The following LYRM4 variants were observed in gnomAD, a reference collection of about 807,000 sequenced individuals.
LYRM4 encodes the protein LYR motif-containing protein 4.
Under a neutral mutation model 11.7 loss-of-function variants are expected in LYRM4, and 9 were observed. That is an observed-to-expected ratio of 0.77 (90% CI 0.46 to 1.34). The LOEUF is 1.34. Among genes scored for constraint, LYRM4 ranks in the 40% most tolerant of loss-of-function variants. The pLI is 0.00. For missense variants in LYRM4, 133 were observed against 112.5 expected, an observed-to-expected ratio of 1.18 and a Z score of -0.82; for synonymous variants, 42 against 40.4, an observed-to-expected ratio of 1.04 and a Z score of -0.15.
intron 2 of LYRM4, among the ~76,000 whole-genome samples, chr6:5,145,281 T>C (rs901733691): frequency 3.3e-5 from 5 of 152,190 alleles, no homozygotes; most frequent in Non-Finnish European, 5.9e-5. Flanking sequence ...AAGTGCAGTT[T>C]CGGTGAGTGG....
the LYRM4 span, among the ~76,000 whole-genome samples, chr6:5,041,534 T>A: frequency 1.3e-5 from 2 of 152,256 alleles, no homozygotes; most frequent in Non-Finnish European, 2.9e-5. Flanking sequence ...CAGTTTTTAC[T>A]ATAGGAGTGT....
downstream of LYRM4, chr6:5,108,100 A>G (rs931832398): frequency 6.6e-6 from 1 of 152,244 alleles, no homozygotes; most frequent in Non-Finnish European, 1.5e-5. Context: ...CAGCAAATCT[A>G]TGCTCTCTAA....
chr6:5,242,202 A>AACT (rs1763922317), intron 1 of LYRM4, among the ~76,000 whole-genome samples: 1 of 151,566 alleles, frequency 6.6e-6, no homozygotes, highest in Non-Finnish European at 1.5e-5. Context: ...CCTCCTGAGT[A>AACT]ACTAGGACTA....
intron 2 of LYRM4, among the ~76,000 whole-genome samples, chr6:5,214,540 G>A (rs1762159612): frequency 6.6e-6 from 1 of 152,190 alleles, no homozygotes; most frequent in Non-Finnish European, 1.5e-5. Context: ...CTGTGGTGGT[G>A]GTGTGTGGAG....
At chr6:5,195,420 G>T (rs1012456774) in intron 2 of LYRM4, among the ~76,000 whole-genome samples, 1 of 151,616 alleles carries the variant, frequency 6.6e-6, no homozygotes, top group African/African-American at 2.4e-5. Flanking sequence ...GACCAGCCTG[G>T]CCAACATGGT....
the LYRM4 span, chr6:5,031,782 T>C: frequency 2.0e-5 from 3 of 152,366 alleles, no homozygotes; most frequent in South Asian, 2.1e-4. Context: ...TTATTAACTA[T>C]GAATAAGGCC....
chr6:5,175,019 G>A (rs777160789), intron 2 of LYRM4, among the ~76,000 whole-genome samples: 7 of 152,182 alleles, frequency 4.6e-5, no homozygotes, highest in South Asian at 2.1e-4. Flanking sequence ...TTTATTGAGC[G>A]CCTAGATTCT....
the LYRM4 span, among the ~76,000 whole-genome samples, chr6:5,097,647 G>A: frequency 3.9e-3 from 594 of 152,142 alleles, 3 homozygotes; most frequent in African/African-American, 0.014. Flanking sequence ...CACTGTACCC[G>A]GCCAATAAAT....
intron 2 of LYRM4, among the ~76,000 whole-genome samples, chr6:5,182,006 A>G (rs2127679668): frequency 6.6e-6 from 1 of 152,296 alleles, no homozygotes; most frequent in Admixed American, 6.5e-5. Flanking sequence ...CTGTTGAACC[A>G]AGCAAAAAAA....
chr6:5,198,363 C>T (rs762700854), intron 2 of LYRM4, among the ~76,000 whole-genome samples: 7 of 152,282 alleles, frequency 4.6e-5, no homozygotes, highest in African/African-American at 7.2e-5. Flanking sequence ...GGATAAGCAG[C>T]ATCAGGTTTG....
chr6:5,065,006 A>G, the LYRM4 span, among the ~76,000 whole-genome samples: 1 of 152,174 alleles, frequency 6.6e-6, no homozygotes, highest in Non-Finnish European at 1.5e-5. Flanking sequence ...TCACTGCCCT[A>G]AAACCTCTGT....
At chr6:5,240,055 G>A (rs1325128612) in intron 1 of LYRM4, among the ~76,000 whole-genome samples, 4 of 152,100 alleles carry the variant, frequency 2.6e-5, no homozygotes, top group Non-Finnish European at 5.9e-5. Context: ...GGTAAACAGG[G>A]CAAAATAAGA....
intron 1 of LYRM4, among the ~76,000 whole-genome samples, chr6:5,255,394 C>T (rs2127779007): frequency 6.6e-6 from 1 of 152,234 alleles, no homozygotes; most frequent in South Asian, 2.1e-4. Context: ...GCACTAGTGT[C>T]AAACTATCAA....
chr6:5,146,405 A>G (rs1042627658), intron 2 of LYRM4, among the ~76,000 whole-genome samples: 15 of 152,166 alleles, frequency 9.9e-5, no homozygotes, highest in Admixed American at 9.8e-4. Flanking sequence ...TATTGGTGAA[A>G]AAACAGAAAT....
chr6:5,063,667 G>A, the LYRM4 span, among the ~76,000 whole-genome samples: 1 of 152,158 alleles, frequency 6.6e-6, no homozygotes, highest in African/African-American at 2.4e-5. Context: ...ACTGCTCCTG[G>A]TGTGTGTGGC....
At chr6:5,252,615 C>T (rs1028652659) in intron 1 of LYRM4, among the ~76,000 whole-genome samples, 1 of 152,188 alleles carries the variant, frequency 6.6e-6, no homozygotes, top group Non-Finnish European at 1.5e-5. Flanking sequence ...GCTGTCTTTT[C>T]ACTAGAGATG....
chr6:5,235,090 C>T (rs562475167), intron 1 of LYRM4, among the ~76,000 whole-genome samples: 3 of 152,288 alleles, frequency 2.0e-5, no homozygotes, highest in African/African-American at 7.2e-5. Flanking sequence ...TCCATCATTA[C>T]TTCCCCTATA....
chr6:5,171,575 A>G (rs1759428794), intron 2 of LYRM4, among the ~76,000 whole-genome samples: 1 of 152,232 alleles, frequency 6.6e-6, no homozygotes, highest in Non-Finnish European at 1.5e-5. Flanking sequence ...TTATAAGCAG[A>G]AATAAATCAG....
chr6:5,239,886 C>G (rs960019583), intron 1 of LYRM4, among the ~76,000 whole-genome samples: 1 of 152,136 alleles, frequency 6.6e-6, no homozygotes, highest in African/African-American at 2.4e-5. Context: ...TTCTCACCAC[C>G]CCCATAGGGA....
Sources: allele counts gnomAD v4.1 joint callset (sites outside exome capture counted in the v4.1 genomes callset), GRCh38; gene constraint gnomAD v4.1.1; transcripts MANE v1.5; gene names NCBI Gene and HGNC (gene_info 2026-07-23, HGNC 2026-07-21).